Variants in WDFY4 observed in about 807,000 individuals in gnomAD.
WDFY4 encodes the protein WDFY family member 4, also known as WD repeat- and FYVE domain-containing protein 4.
In WDFY4, 169 loss-of-function variants were observed where a neutral mutation model predicts 351.9. The observed-to-expected ratio is 0.48, with a 90% CI of 0.42 to 0.55. WDFY4 has a LOEUF of 0.55. Ranked by LOEUF, WDFY4 falls within the 20% of genes least tolerant of loss-of-function variation. WDFY4 has a pLI of 0.00. For missense variants in WDFY4, 3,803 were observed against 3,935.6 expected (o/e 0.97, Z 0.90); for synonymous variants, 1,622 against 1,574.6 (o/e 1.03, Z -0.71).
intron 7 of WDFY4, among the ~76,000 whole-genome samples, chr10:48,728,961 C>T (rs2064362015): frequency 6.6e-6 from 1 of 152,218 alleles, no homozygotes; most frequent in African/African-American, 2.4e-5. Flanking sequence ...TGGAATAAGA[C>T]TTGAGATGCC....
intron 60 of WDFY4, chr10:48,979,620 T>TGGATGGAC (rs1554825267): frequency 1.5e-4 from 22 of 143,922 alleles, no homozygotes; most frequent in African/African-American, 5.3e-4. Flanking sequence ...GATGGATGGA[T>TGGATGGAC]GGACGGGTGG....
At chr10:48,855,995 T>C (rs569954305) in intron 39 of WDFY4, among the ~76,000 whole-genome samples, 11 of 152,268 alleles carry the variant, frequency 7.2e-5, no homozygotes, top group African/African-American at 2.6e-4. Context: ...TCAGGCATTC[T>C]TGGAATATCT....
intron 24 of WDFY4, chr10:48,801,503 A>C (rs1791186625): frequency 2.2e-6 from 1 of 456,724 alleles, no homozygotes; most frequent in South Asian, 1.5e-5. Context: ...GGAGCCCTAC[A>C]GACATGTATG....
At chr10:48,771,932 C>A (rs1312052008) in intron 13 of WDFY4, among the ~76,000 whole-genome samples, 2 of 152,186 alleles carry the variant, frequency 1.3e-5, no homozygotes, top group Admixed American at 1.3e-4. Context: ...AGAGACCAGA[C>A]CCTAGTCCTC....
intron 2 of WDFY4, among the ~76,000 whole-genome samples, chr10:48,717,699 C>A (rs112004731): frequency 0.039 from 6,000 of 152,274 alleles, 134 homozygotes; most frequent in South Asian, 0.085. Context: ...AGTCAACATT[C>A]TATTTCTGGG....
chr10:48,788,729 G>A (rs1221213270), intron 21 of WDFY4, 54 bp downstream of exon 21: 121 of 1,541,384 alleles, frequency 7.9e-5, no homozygotes, highest in Non-Finnish European at 1.1e-4. Context: ...TTCATGGTTT[G>A]CATTAGCTTT....
At chr10:48,869,705 T>C (rs2069689411) in intron 40 of WDFY4, among the ~76,000 whole-genome samples, 1 of 152,192 alleles carries the variant, frequency 6.6e-6, no homozygotes, top group Non-Finnish European at 1.5e-5. Flanking sequence ...AGTTCTTATG[T>C]TGAATCTTCA....
At chr10:48,852,959 A>C (rs1244687039) in intron 39 of WDFY4, among the ~76,000 whole-genome samples, 1 of 152,132 alleles carries the variant, frequency 6.6e-6, no homozygotes, top group Non-Finnish European at 1.5e-5. Context: ...ATTGTTGTTT[A>C]ATCACTCGTC....
intron 32 of WDFY4, among the ~76,000 whole-genome samples, chr10:48,819,894 T>C (rs2067756608): frequency 6.6e-6 from 1 of 152,202 alleles, no homozygotes; most frequent in Non-Finnish European, 1.5e-5. Flanking sequence ...CGGTGTCAGA[T>C]GGTTTTTATT....
Position 48,846,726 on chromosome 10 carries a change from G to A in WDFY4, c.6663+14017G>A, listed in dbSNP as rs2068789453. ...GACTAACATATTGGCTAGTCACAGC[G>A]TGGCTTCCAAGAACATCAGGAAGAG... On this transcript the variant is annotated intron_variant, in intron 39 of 61. Coordinates refer to ENST00000325239, the MANE Select transcript of WDFY4 (RefSeq NM_001394531.1). Among the ~76,000 whole-genome samples the A allele has an allele frequency of 3.3e-5, 5 of 152,192 alleles. No individual in the cohort carries two copies. In the South Asian group the frequency reaches 1.0e-3, roughly 32 times the overall value.
chr10:48,901,508 T>G (rs1179392266), intron 46 of WDFY4, among the ~76,000 whole-genome samples: 1 of 152,234 alleles, frequency 6.6e-6, no homozygotes, highest in African/African-American at 2.4e-5. Context: ...ATTGTTGACA[T>G]TGGCAATGTT....
chr10:48,721,496 CCCT>C (rs2064087153), intron 4 of WDFY4, 129 bp downstream of exon 4: 2 of 794,838 alleles, frequency 2.5e-6, no homozygotes, highest in South Asian at 3.4e-5. Context: ...TATTTCTCCT[CCCT>C]CCTCCCCTTC....
Position 48,705,817 on chromosome 10 carries a change from C to T in WDFY4, c.-17-3899C>T, listed in dbSNP as rs555172795. Among the ~76,000 whole-genome samples the T allele has an allele frequency of 3.9e-4, 59 of 152,338 alleles. No individual in the cohort carries two copies. The Middle Eastern group carries it at 0.014, about 35-fold the overall frequency. Reference sequence around the variant, plus strand: ...TTTCTCTGGATCTCCAGCTAAGTCCCCACCCATCGCAGTTCCATATTCTGC... The same window carrying T: ...TTTCTCTGGATCTCCAGCTAAGTCCTCACCCATCGCAGTTCCATATTCTGC... On this transcript the variant is annotated intron_variant, in intron 1 of 61. Coordinates refer to ENST00000325239, the MANE Select transcript of WDFY4 (RefSeq NM_001394531.1).
chr10:48,850,762 G>A (rs2068931248), intron 39 of WDFY4, among the ~76,000 whole-genome samples: 1 of 152,186 alleles, frequency 6.6e-6, no homozygotes, highest in Non-Finnish European at 1.5e-5. Context: ...AGAACATTGA[G>A]TGTTGCCACA....
chr10:48,918,104 A>C (rs1487902240), intron 47 of WDFY4, among the ~76,000 whole-genome samples: 1 of 152,218 alleles, frequency 6.6e-6, no homozygotes, highest in East Asian at 1.9e-4. Context: ...TAAATAGTAA[A>C]AAACTAAATA....
chr10:48,893,899 C>T lies in WDFY4; in HGVS notation c.7316+3172C>T, dbSNP rs148259974. Among the ~76,000 whole-genome samples, 101 of 152,294 alleles carry T rather than the reference C, an allele frequency of 6.6e-4. No homozygotes were observed. In the Middle Eastern group the frequency reaches 0.01, roughly 15 times the overall value. Reference sequence around the variant, plus strand: ...CAGATCCTGCTGGCTGTTATGCTGACGAACTGTGAATGGCAGCCTCTGAAC... The same window carrying T: ...CAGATCCTGCTGGCTGTTATGCTGATGAACTGTGAATGGCAGCCTCTGAAC... On this transcript the variant is annotated intron_variant, in intron 44 of 61. Coordinates refer to ENST00000325239, the MANE Select transcript of WDFY4 (RefSeq NM_001394531.1).
In WDFY4 at chr10:48,982,644, T is replaced by C; in HGVS notation, c.*69T>C. On this transcript the variant is annotated 3_prime_UTR_variant, in exon 62 of 62. Transcript: ENST00000325239. ...GAGGGTGGCAGAGGTGACTGGGGCC[T>C]GAGCTCTGCCTACAGAAGAAACCCC... The C allele has an allele frequency of 6.7e-7, 1 of 1,487,412 alleles. No individual in the cohort carries two copies. Among genetic ancestry groups the C allele is most frequent in the Non-Finnish European group, 9.1e-7 (1 of 1,093,260 alleles). The allele number at this position is 1,487,412 out of a possible 1,614,324, so 92.1% of individuals were successfully genotyped here.
chr10:48,821,632 C>T (rs1430739849), intron 34 of WDFY4, among the ~76,000 whole-genome samples: 1 of 152,222 alleles, frequency 6.6e-6, no homozygotes, highest in East Asian at 1.9e-4. Context: ...ATTCAAAAAA[C>T]TTGGTTCCAG....
intron 1 of WDFY4, among the ~76,000 whole-genome samples, chr10:48,689,618 C>A (rs542149841): frequency 2.6e-5 from 4 of 152,100 alleles, no homozygotes; most frequent in Non-Finnish European, 5.9e-5. Flanking sequence ...GGAAGTTGTG[C>A]CTGGCTTTCT....
Sources: allele counts gnomAD v4.1 joint callset (sites outside exome capture counted in the v4.1 genomes callset), GRCh38; gene constraint gnomAD v4.1.1; transcripts MANE v1.5; gene names NCBI Gene and HGNC (gene_info 2026-07-23, HGNC 2026-07-21).